Variants in UNC13B observed in about 807,000 individuals in gnomAD.
The protein encoded by UNC13B is protein unc-13 homolog B.
A neutral mutation model predicts 211.0 loss-of-function variants in UNC13B; 144 were observed. The ratio of observed to expected loss-of-function variants is 0.68; its 90% CI spans 0.60 to 0.78. The LOEUF (loss-of-function observed/expected upper bound fraction) is 0.78. UNC13B is among the 30% of genes least tolerant of loss of function. UNC13B has a pLI of 0.00. For synonymous variants in UNC13B, 709 were observed against 725.8 expected (o/e 0.98, Z 0.37); for missense variants, 1,777 against 2,002.0 (o/e 0.89, Z 2.14).
At chr9:35,381,430 G>A in intron 19 of UNC13B, 126 bp from the exon 20 acceptor site, 1 of 1,234,912 alleles carries the variant, frequency 8.1e-7, no homozygotes, top group Non-Finnish European at 1.1e-6. Context: ...GAGGAACTGA[G>A]CAATGACTGG....
intron 7 of UNC13B, among the ~76,000 whole-genome samples, chr9:35,278,213 T>C (rs1361657520): frequency 6.6e-6 from 1 of 152,226 alleles, no homozygotes; most frequent in Non-Finnish European, 1.5e-5. Context: ...CTCGCCCAGT[T>C]TGGCAGATTC....
chr9:35,352,644 G>A (rs1832788277), intron 11 of UNC13B: 1 of 1,232,052 alleles, frequency 8.1e-7, no homozygotes, highest in South Asian at 4.1e-5. Flanking sequence ...GAGCAGCAAG[G>A]CCCTTGCTTT....
rs940764492 is a variant in UNC13B, at chr9:35,162,276, C to G, written c.-8C>G. 3.2e-6 allele frequency: 5 copies of G among 1,541,046 alleles called. No individual in the cohort carries two copies. In the African/African-American group the frequency reaches 6.9e-5, roughly 21 times the overall value. ...GGGGCGCGGCAGAGGCTTGCCCGAT[C>G]CTCGGCCATGTCACTGCTCTGCGTG... On this transcript the variant is annotated 5_prime_UTR_variant, in exon 1 of 40. It adds an upstream start codon to the 5' untranslated region. Transcript: ENST00000635942.
intron 1 of UNC13B, among the ~76,000 whole-genome samples, chr9:35,182,731 T>C (rs180973828): frequency 7.9e-5 from 12 of 152,194 alleles, no homozygotes; most frequent in African/African-American, 2.7e-4. Flanking sequence ...TGCACCGCCC[T>C]TAATCCATTT....
intron 6 of UNC13B, among the ~76,000 whole-genome samples, chr9:35,245,732 T>G (rs1346412329): frequency 5.3e-5 from 8 of 152,258 alleles, no homozygotes; most frequent in Non-Finnish European, 1.0e-4. Context: ...TGCCACATTT[T>G]CTTAATCCAG....
intron 15 of UNC13B, 84 bp downstream of exon 15, chr9:35,376,331 G>A: frequency 1.5e-6 from 2 of 1,369,652 alleles, no homozygotes; most frequent in South Asian, 1.2e-5. Flanking sequence ...TGGGATGGCT[G>A]AACCAATCAT....
intron 11 of UNC13B, among the ~76,000 whole-genome samples, chr9:35,321,163 G>A (rs1830718929): frequency 6.6e-6 from 1 of 151,984 alleles, no homozygotes; most frequent in Non-Finnish European, 1.5e-5. Flanking sequence ...ATGATTTAAT[G>A]ACTTAATAGA....
At chr9:35,255,039 A>T (rs1398434157) in intron 6 of UNC13B, among the ~76,000 whole-genome samples, 1 of 119,084 alleles carries the variant, frequency 8.4e-6, no homozygotes, top group African/African-American at 3.3e-5. Context: ...TATAATATAT[A>T]TTATATATAA....
chr9:35,190,249 A>C (rs931420182), intron 1 of UNC13B, among the ~76,000 whole-genome samples: 2 of 152,280 alleles, frequency 1.3e-5, no homozygotes, highest in East Asian at 3.9e-4. Flanking sequence ...TGGGAGTCTT[A>C]TCTCTCAATA....
intron 24 of UNC13B, 93 bp downstream of exon 24, chr9:35,386,386 A>G (rs1835192699): frequency 6.5e-7 from 1 of 1,536,114 alleles, no homozygotes; most frequent in Non-Finnish European, 8.8e-7. Flanking sequence ...CACTCAGGAC[A>G]AAGTACTTGA....
chr9:35,193,978 C>T (rs1289847708), intron 1 of UNC13B, among the ~76,000 whole-genome samples: 2 of 151,664 alleles, frequency 1.3e-5, no homozygotes, highest in Non-Finnish European at 2.9e-5. Flanking sequence ...GACCTTGACA[C>T]GCCATGTGCT....
intron 37 of UNC13B, among the ~76,000 whole-genome samples, chr9:35,401,500 G>C (rs150813388): frequency 5.3e-5 from 8 of 152,316 alleles, no homozygotes; most frequent in Non-Finnish European, 1.0e-4. Context: ...ATCCAGAAAG[G>C]CTTTTTAGAA....
At chr9:35,321,963 T>A (rs1257417767) in intron 11 of UNC13B, among the ~76,000 whole-genome samples, 1 of 152,242 alleles carries the variant, frequency 6.6e-6, no homozygotes, top group Non-Finnish European at 1.5e-5. Context: ...GGTATACCAT[T>A]GTTTAATTTG....
At chr9:35,170,383 C>G (rs1010936314) in intron 1 of UNC13B, among the ~76,000 whole-genome samples, 1 of 152,072 alleles carries the variant, frequency 6.6e-6, no homozygotes, top group Admixed American at 6.6e-5. Flanking sequence ...CCAGGCTGGT[C>G]TCTAACTCCT....
At chr9:35,229,096 A>T (rs566739147) in intron 2 of UNC13B, among the ~76,000 whole-genome samples, 9 of 152,160 alleles carry the variant, frequency 5.9e-5, no homozygotes, top group South Asian at 2.1e-4. Flanking sequence ...ATTTGATATG[A>T]AACTTTAAAA....
intron 1 of UNC13B, among the ~76,000 whole-genome samples, chr9:35,187,210 G>GA (rs1376454070): frequency 1.3e-4 from 20 of 152,282 alleles, no homozygotes; most frequent in Non-Finnish European, 1.3e-4. Flanking sequence ...TCCCTTTGGG[G>GA]ATCTATGAAG....
intron 11 of UNC13B, among the ~76,000 whole-genome samples, chr9:35,326,436 C>T (rs1041197858): frequency 6.6e-5 from 10 of 152,138 alleles, no homozygotes; most frequent in Non-Finnish European, 1.5e-4. Context: ...CTCACTCTGT[C>T]CTGCAGGCTG....
chr9:35,351,772 C>T, intron 11 of UNC13B: 2 of 1,232,284 alleles, frequency 1.6e-6, no homozygotes, highest in Non-Finnish European at 2.0e-6. Flanking sequence ...AGCAGAACAA[C>T]AGCCAGCTTC....
At chr9:35,257,370 T>TATAAATATTTATATAAATATTTATA (rs1554692897) in intron 6 of UNC13B, among the ~76,000 whole-genome samples, 17 of 60,678 alleles carry the variant, frequency 2.8e-4, no homozygotes, top group Admixed American at 1.1e-3. Flanking sequence ...TAAATATTTA[T>TATAAATATTTATATAAATATTTATA]AAAATATTTA....
Sources: allele counts gnomAD v4.1 joint callset (sites outside exome capture counted in the v4.1 genomes callset), GRCh38; gene constraint gnomAD v4.1.1; transcripts MANE v1.5; gene names NCBI Gene and HGNC (gene_info 2026-07-23, HGNC 2026-07-21).